Variants in EVA1C observed in about 807,000 individuals in gnomAD.
EVA1C encodes the protein eva-1 homolog C, also known as protein eva-1 homolog C.
A neutral mutation model predicts 45.4 loss-of-function variants in EVA1C; 25 were observed. That is an observed-to-expected ratio of 0.55 (90% CI 0.40 to 0.77). The LOEUF (loss-of-function observed/expected upper bound fraction) is 0.77. EVA1C is among the 30% of genes least tolerant of loss of function. The pLI is 0.00. For synonymous variants in EVA1C, 190 were observed against 221.2 expected, an observed-to-expected ratio of 0.86 and a Z score of 1.25; for missense variants, 479 against 554.8, an observed-to-expected ratio of 0.86 and a Z score of 1.37.
intron 1 of EVA1C, among the ~76,000 whole-genome samples, chr21:32,422,215 G>C (rs1258755396): frequency 1.3e-5 from 2 of 152,110 alleles, no homozygotes; most frequent in Non-Finnish European, 2.9e-5. Flanking sequence ...TGATGGGTAG[G>C]TTGAAGAGCA....
chr21:32,503,853 C>G, intron 6 of EVA1C, 73 bp from the exon 7 acceptor site: 1 of 984,000 alleles, frequency 1.0e-6, no homozygotes, highest in Non-Finnish European at 1.5e-6. Context: ...GGGGTAGGAG[C>G]AGCAGGGGTG....
chr21:32,415,623 C>T (rs967498365), intron 1 of EVA1C, among the ~76,000 whole-genome samples: 28 of 151,994 alleles, frequency 1.8e-4, no homozygotes, highest in Admixed American at 3.3e-4. Flanking sequence ...CGATCTCACT[C>T]TTAATAAGCC....
At chr21:32,473,169 C>T (rs897105159) in intron 4 of EVA1C, among the ~76,000 whole-genome samples, 1 of 152,214 alleles carries the variant, frequency 6.6e-6, no homozygotes, top group African/African-American at 2.4e-5. Flanking sequence ...TGAGCTGGTG[C>T]ATTTTCTCCA....
intron 1 of EVA1C, among the ~76,000 whole-genome samples, chr21:32,417,228 G>C (rs1245188511): frequency 6.6e-6 from 1 of 152,234 alleles, no homozygotes; most frequent in East Asian, 1.9e-4. Flanking sequence ...TGCCATAACA[G>C]TGTACTACAG....
intron 1 of EVA1C, among the ~76,000 whole-genome samples, chr21:32,430,198 C>T (rs16989395): frequency 0.012 from 1,893 of 152,264 alleles, 41 homozygotes; most frequent in African/African-American, 0.044. Flanking sequence ...CCTCAGTTTA[C>T]ATGGGAGCTT....
chr21:32,458,591 C>T (rs967349752), intron 3 of EVA1C, among the ~76,000 whole-genome samples: 3 of 151,690 alleles, frequency 2.0e-5, no homozygotes, highest in African/African-American at 7.3e-5. Flanking sequence ...AGGCAGTTCT[C>T]CTGCCTCAGC....
At chr21:32,431,112 G>A (rs113180983) in intron 1 of EVA1C, among the ~76,000 whole-genome samples, 7 of 125,180 alleles carry the variant, frequency 5.6e-5, no homozygotes, top group Non-Finnish European at 8.7e-5. Context: ...TTAGAGATTT[G>A]GGTGGGGACA....
Position 32,467,608 on chromosome 21 carries a change from G to A in EVA1C, c.482-88G>A, listed in dbSNP as rs543137492. 1.3e-4 allele frequency: 180 copies of A among 1,349,490 alleles called. 1 individual carries two copies. The South Asian group carries it at 2.1e-3, about 16-fold the overall frequency. 83.6% of individuals were successfully genotyped at this position (1,349,490 alleles called of 1,614,324 possible). A position where few individuals can be genotyped will look rare whatever the true frequency, so the allele number is the denominator to read the frequency against. On this transcript the variant is annotated intron_variant, in intron 3 of 7. Transcript: ENST00000300255. ...TGCCCCCTTCTCAGGGTGCAGCCCC[G>A]GGGAAATGAGCAATGGGACTTGGAC...
intron 7 of EVA1C, among the ~76,000 whole-genome samples, chr21:32,507,346 G>C (rs1238838124): frequency 6.6e-6 from 1 of 152,224 alleles, no homozygotes; most frequent in Non-Finnish European, 1.5e-5. Flanking sequence ...AAATGGAAAA[G>C]GAGTGGTGTG....
intron 3 of EVA1C, among the ~76,000 whole-genome samples, chr21:32,463,158 GCTTTTAATGGCAAAAATCACAGTTA>G (rs2036060129): frequency 6.6e-6 from 1 of 152,152 alleles, no homozygotes; most frequent in African/African-American, 2.4e-5. Flanking sequence ...TTTGCCCATT[GCTTTTAATGGCAAAAATCACAGTTA>G]CTTTTGCACC....
intron 2 of EVA1C, among the ~76,000 whole-genome samples, chr21:32,454,794 C>T (rs570404873): frequency 4.6e-5 from 7 of 151,538 alleles, no homozygotes; most frequent in South Asian, 2.1e-4. Context: ...AAACAGGAGA[C>T]GCAAACTAAT....
At chr21:32,413,481 C>A (rs1031812534) in intron 1 of EVA1C, among the ~76,000 whole-genome samples, 2 of 152,154 alleles carry the variant, frequency 1.3e-5, no homozygotes, top group African/African-American at 4.8e-5. Context: ...GAAAGGGAAG[C>A]CCGCGGGGAC....
intron 4 of EVA1C, among the ~76,000 whole-genome samples, chr21:32,475,723 G>A (rs994948411): frequency 9.2e-5 from 14 of 152,044 alleles, no homozygotes; most frequent in African/African-American, 3.4e-4. Context: ...TGACTTTCAA[G>A]TATTGTAAAT....
chr21:32,449,668 C>T (rs1374650377), intron 1 of EVA1C, among the ~76,000 whole-genome samples: 2 of 150,952 alleles, frequency 1.3e-5, no homozygotes, highest in Non-Finnish European at 2.9e-5. Flanking sequence ...GTTTCCCCTG[C>T]TGGAGTGCAG....
intron 1 of EVA1C, among the ~76,000 whole-genome samples, chr21:32,415,270 G>T (rs1439586034): frequency 6.6e-6 from 1 of 152,156 alleles, no homozygotes; most frequent in African/African-American, 2.4e-5. Context: ...CAGGGCTAGA[G>T]AGCAGTGTTT....
chr21:32,470,720 C>T (rs563159940), intron 4 of EVA1C, among the ~76,000 whole-genome samples: 1 of 152,150 alleles, frequency 6.6e-6, no homozygotes, highest in Admixed American at 6.5e-5. Context: ...TTTCTCCCCA[C>T]AGTGGCCTCA....
At chr21:32,502,028 CTTTCTTTCTTTCTTT>C (rs930655470) in intron 6 of EVA1C, among the ~76,000 whole-genome samples, 9 of 123,338 alleles carry the variant, frequency 7.3e-5, no homozygotes, top group Admixed American at 2.5e-4. Context: ...TTCTTTCTTT[CTTTCTTTCTTTCTTT>C]CTTTCTTTCT....
At chr21:32,444,086 AC>A (rs1258038716) in intron 1 of EVA1C, among the ~76,000 whole-genome samples, 70 of 151,200 alleles carry the variant, frequency 4.6e-4, no homozygotes, top group Admixed American at 1.1e-3. Context: ...ACACACACAC[AC>A]ACACAAACTC....
At chr21:32,446,240 A>G (rs1187931754) in intron 1 of EVA1C, among the ~76,000 whole-genome samples, 1 of 152,082 alleles carries the variant, frequency 6.6e-6, no homozygotes, top group Non-Finnish European at 1.5e-5. Context: ...AAGAAAAAAA[A>G]AAAGAGTCCA....
Sources: gnomAD v4.1 joint callset for allele counts (sites outside exome capture counted in the v4.1 genomes callset) on GRCh38, gnomAD v4.1.1 for gene constraint, MANE v1.5 for transcripts, NCBI Gene and HGNC (gene_info 2026-07-23, HGNC 2026-07-21) for gene names.